The following SHANK2 variants were observed in gnomAD, a reference collection of about 807,000 sequenced individuals.
The protein encoded by SHANK2 is SH3 and multiple ankyrin repeat domains 2.
SHANK2 carries 43 observed loss-of-function variants against 133.7 expected under a neutral mutation model. The observed-to-expected ratio is 0.32, with a 90% confidence interval of 0.25 to 0.41. The LOEUF is 0.41. Among genes scored for constraint, SHANK2 ranks in the 10% least tolerant of loss-of-function variants. SHANK2 has a pLI of 1.00. For missense variants in SHANK2, 1,994 were observed against 2,235.8 expected, an observed-to-expected ratio of 0.89 and a Z score of 2.18; for synonymous variants, 1,017 against 952.8, an observed-to-expected ratio of 1.07 and a Z score of -1.24.
chr11:70,852,294 G>T (rs1290923623), intron 11 of SHANK2, among the ~76,000 whole-genome samples: 1 of 152,226 alleles, frequency 6.6e-6, no homozygotes, highest in East Asian at 1.9e-4. Context: ...AATATTGGGA[G>T]AGCGAGGAAC....
chr11:71,232,345 GACCCA>G (rs1333333752), intron 1 of SHANK2, among the ~76,000 whole-genome samples: 1 of 152,144 alleles, frequency 6.6e-6, no homozygotes, highest in Admixed American at 6.5e-5. Context: ...CTATCGTACT[GACCCA>G]GGACGAGACT....
At chr11:70,681,127 G>A (rs570047191) in intron 15 of SHANK2, among the ~76,000 whole-genome samples, 186 of 152,286 alleles carry the variant, frequency 1.2e-3, no homozygotes, top group African/African-American at 4.4e-3. Context: ...CTGTGCCTTG[G>A]GGCTGCCGGC....
chr11:71,103,865 C>G, intron 6 of SHANK2, among the ~76,000 whole-genome samples: 1 of 118,604 alleles, frequency 8.4e-6, no homozygotes, highest in Non-Finnish European at 1.7e-5. Flanking sequence ...TCCCCTTCTC[C>G]CTCTCCCCCC....
chr11:70,949,965 G>C (rs1482344015), intron 10 of SHANK2: 14 of 428,834 alleles, frequency 3.3e-5, no homozygotes, highest in African/African-American at 2.6e-4. Context: ...GGATCAAGGA[G>C]CCGGTAGGTG....
At chr11:70,518,647 C>T (rs150392680) in intron 17 of SHANK2, among the ~76,000 whole-genome samples, 1,738 of 152,262 alleles carry the variant, frequency 0.011, 25 homozygotes, top group African/African-American at 0.04. Context: ...TGGTCAGAGG[C>T]GGGATTGCAT....
At position 70,501,554 on chromosome 11, in the gene SHANK2, C is replaced by T. The variant is rs1379444846; in HGVS notation, c.2287+369G>A. ...GTGTGTTTCAGAGCCACCCTCTTTC[C>T]AAAGGTGTCCCTGGCTCCATGGTGA... On this transcript the variant is annotated intron_variant, in intron 20 of 25. Coordinates refer to ENST00000601538, the MANE Select transcript of SHANK2 (RefSeq NM_012309.5). Among the ~76,000 whole-genome samples, 6 of 152,336 alleles carry T rather than the reference C, an allele frequency of 3.9e-5. No homozygotes were observed. In the East Asian group the frequency reaches 9.7e-4, roughly 25 times the overall value.
At chr11:70,919,917 A>G (rs1950326251) in intron 10 of SHANK2, among the ~76,000 whole-genome samples, 1 of 152,196 alleles carries the variant, frequency 6.6e-6, no homozygotes, top group Admixed American at 6.5e-5. Context: ...TAAATAATCA[A>G]TCAAGAGCAA....
At chr11:71,063,332 G>C (rs911363683) in intron 9 of SHANK2, among the ~76,000 whole-genome samples, 3 of 152,246 alleles carry the variant, frequency 2.0e-5, no homozygotes, top group Non-Finnish European at 2.9e-5. Flanking sequence ...AAGAGCTCAG[G>C]TTCCAGTTAG....
chr11:70,759,195 CAAAA>C (rs574219681), intron 14 of SHANK2, among the ~76,000 whole-genome samples: 4 of 150,370 alleles, frequency 2.7e-5, no homozygotes, highest in African/African-American at 9.8e-5. Flanking sequence ...CAAAACAAAA[CAAAA>C]AAACTGAGTT....
At chr11:71,133,874 T>C (rs1307017937) in intron 3 of SHANK2, among the ~76,000 whole-genome samples, 4 of 151,972 alleles carry the variant, frequency 2.6e-5, no homozygotes, top group Non-Finnish European at 5.9e-5. Context: ...GGAGAGAACA[T>C]TCTGGAACAA....
At chr11:70,503,351 T>C (rs2059088485) in intron 17 of SHANK2, among the ~76,000 whole-genome samples, 1 of 152,124 alleles carries the variant, frequency 6.6e-6, no homozygotes, top group Non-Finnish European at 1.5e-5. Flanking sequence ...GTGCCAGGCT[T>C]TGCATCCTCA....
chr11:70,826,188 C>T (rs533621029), intron 11 of SHANK2, among the ~76,000 whole-genome samples: 2 of 152,334 alleles, frequency 1.3e-5, no homozygotes, highest in African/African-American at 2.4e-5. Context: ...TAACACACTC[C>T]GTGGCACGGT....
intron 10 of SHANK2, among the ~76,000 whole-genome samples, chr11:70,911,373 A>AAAAAAACAAAAAAAC (rs1555078996): frequency 2.0e-5 from 3 of 151,954 alleles, no homozygotes; most frequent in African/African-American, 7.3e-5. Flanking sequence ...ACAAAAAAAC[A>AAAAAAACAAAAAAAC]AAAAAACAAA....
intron 9 of SHANK2, among the ~76,000 whole-genome samples, chr11:71,070,405 G>C (rs1486597723): frequency 6.6e-6 from 1 of 152,230 alleles, no homozygotes; most frequent in African/African-American, 2.4e-5. Context: ...TTGGAGGCTA[G>C]GCAAGGCTGG....
intron 11 of SHANK2, among the ~76,000 whole-genome samples, chr11:70,842,113 G>C (rs543766462): frequency 6.6e-6 from 1 of 152,110 alleles, no homozygotes; most frequent in Non-Finnish European, 1.5e-5. Context: ...TTCAAATCAC[G>C]AACAGAACAA....
chr11:71,127,016 C>T (rs781979004), intron 3 of SHANK2, among the ~76,000 whole-genome samples: 3 of 151,956 alleles, frequency 2.0e-5, no homozygotes, highest in Non-Finnish European at 4.4e-5. Flanking sequence ...AGAATATTCA[C>T]GATTCATAAG....
At chr11:71,228,430 C>T (rs1377745101) in intron 1 of SHANK2, among the ~76,000 whole-genome samples, 7 of 152,180 alleles carry the variant, frequency 4.6e-5, no homozygotes, top group African/African-American at 1.7e-4. Flanking sequence ...GCAACTACTA[C>T]CTTGATACCA....
intron 2 of SHANK2, among the ~76,000 whole-genome samples, chr11:71,170,171 A>T (rs550694750): frequency 2.0e-5 from 3 of 152,050 alleles, no homozygotes; most frequent in East Asian, 1.9e-4. Flanking sequence ...ATACATCCAA[A>T]TTTTTTTTCT....
intron 11 of SHANK2, among the ~76,000 whole-genome samples, chr11:70,850,460 C>A (rs568675143): frequency 6.6e-6 from 1 of 152,182 alleles, no homozygotes; most frequent in Non-Finnish European, 1.5e-5. Context: ...TTTACCAGCT[C>A]TCCCTCCTGC....
Sources: allele counts gnomAD v4.1 joint callset (sites outside exome capture counted in the v4.1 genomes callset), GRCh38; gene constraint gnomAD v4.1.1; transcripts MANE v1.5; gene names NCBI Gene and HGNC (gene_info 2026-07-23, HGNC 2026-07-21).